The following L3MBTL4 variants were observed in gnomAD, a reference collection of about 807,000 sequenced individuals.
L3MBTL4 encodes L3MBTL histone methyl-lysine binding protein 4, also known as lethal(3)malignant brain tumor-like protein 4.
Under a neutral mutation model 84.5 loss-of-function variants are expected in L3MBTL4, and 70 were observed. The observed-to-expected ratio is 0.83, with a 90% CI of 0.68 to 1.01. The LOEUF is 1.01. Ranked by LOEUF, L3MBTL4 falls within the 50% of genes least tolerant of loss-of-function variation. The pLI, the probability that L3MBTL4 is intolerant of heterozygous loss-of-function variation, is 0.00. For synonymous variants in L3MBTL4, 274 were observed against 259.8 expected (o/e 1.05, Z -0.52); for missense variants, 715 against 754.8 (o/e 0.95, Z 0.62).
Position 6,244,580 on chromosome 18 carries a change from G to T in L3MBTL4, c.228C>A (p.Ser76=), listed in dbSNP as rs1463273680. The change falls in exon 6 of 19, where the codon TCC becomes TCA. Residue 76 remains serine, a synonymous_variant. Coordinates refer to ENST00000317931, the MANE Select transcript of L3MBTL4 (RefSeq NM_001330559.2). Reference sequence around the variant, plus strand: ...GAAAACCATTTTCATGCTCTGGAAAGGACTGATCCTACAAAATTTCACGAC... The same window carrying T: ...GAAAACCATTTTCATGCTCTGGAAATGACTGATCCTACAAAATTTCACGAC... ...APVELFSKDQ[S]FPEHENGFQI... 1 of 1,609,650 alleles carries T rather than the reference G, an allele frequency of 6.2e-7. No homozygotes were observed. Among genetic ancestry groups the T allele is most frequent in the Admixed American group, 1.7e-5 (1 of 59,946 alleles).
intron 16 of L3MBTL4, among the ~76,000 whole-genome samples, chr18:6,060,476 G>A (rs1383083432): frequency 6.6e-6 from 1 of 150,914 alleles, no homozygotes; most frequent in Non-Finnish European, 1.5e-5. Context: ...AGACAGTACA[G>A]AGATTTCCCA....
chr18:5,969,466 T>C lies in L3MBTL4; in HGVS notation c.1541A>G (p.Glu514Gly). 1 of 1,613,888 alleles carries C rather than the reference T, an allele frequency of 6.2e-7. No homozygotes were observed. The highest frequency in any genetic ancestry group is 8.5e-7 in the Non-Finnish European group (1 of 1,180,004). The change falls in exon 17 of 19, where the codon GAG becomes GGG. Residue 514 changes from glutamate (E) to glycine (G), a missense_variant. By Grantham distance (98) the Glu-to-Gly change is moderately conservative (BLOSUM62 -2). Coordinates refer to ENST00000317931, the MANE Select transcript of L3MBTL4 (RefSeq NM_001330559.2). Reference sequence around the variant, plus strand: ...GCCTGGAAGCAACTTGCAGTGTTGCTCCCTGCCGAGGGGAAGGTCCCGAAA... The same window carrying C: ...GCCTGGAAGCAACTTGCAGTGTTGCCCCCTGCCGAGGGGAAGGTCCCGAAA... Reference protein sequence around the residue: ...HPFRDLPLGREQHCKLLPGVA... With the variant: ...HPFRDLPLGRGQHCKLLPGVA...
rs1221140363 is a variant in L3MBTL4 at position 6,414,626 on chromosome 18, G to A, written c.-91+175C>T. 6.6e-6 allele frequency: 1 copy of A among 152,094 alleles called. No homozygotes were observed. Among genetic ancestry groups the A allele is most frequent in the Non-Finnish European group, 1.5e-5 (1 of 68,060 alleles). 9.4% of individuals were successfully genotyped at this position (152,094 alleles called of 1,614,324 possible). ...GGCGAAAGAGAAAGAGAAAGAGCCTGGGCCGGGACCGGGGCTATCCCCAAC... is the reference window on the plus strand; with the variant it reads ...GGCGAAAGAGAAAGAGAAAGAGCCTAGGCCGGGACCGGGGCTATCCCCAAC... On this transcript the variant is annotated intron_variant, in intron 1 of 18. Coordinates refer to ENST00000317931, the MANE Select transcript of L3MBTL4 (RefSeq NM_001330559.2). The surrounding 1 kb of genome is among the most constrained non-coding windows in gnomAD (Gnocchi z 5.4).
chr18:6,055,419 G>C (rs2056986745), intron 16 of L3MBTL4, among the ~76,000 whole-genome samples: 1 of 152,178 alleles, frequency 6.6e-6, no homozygotes, highest in Admixed American at 6.5e-5. Flanking sequence ...CAACCGTTAA[G>C]AGGAAGAACC....
At chr18:6,029,752 A>G in intron 16 of L3MBTL4, 1 of 985,212 alleles carries the variant, frequency 1.0e-6, no homozygotes, top group South Asian at 4.7e-5. Flanking sequence ...AAATTAACCA[A>G]CTGGAATGGA....
At position 6,371,618 on chromosome 18, in the gene L3MBTL4, G is replaced by A. The variant is rs546242740; in HGVS notation, c.-91+43183C>T. ...TCCAAAAAATGGCCTTACAATTCCC[G>A]CCCCAAATGTTACTGAATTGTTAAG... On this transcript the variant is annotated intron_variant, in intron 1 of 18. Coordinates refer to ENST00000317931, the MANE Select transcript of L3MBTL4 (RefSeq NM_001330559.2). 1.5e-4 allele frequency among the ~76,000 whole-genome samples: 23 copies of A among 152,122 alleles called. 1 individual carries two copies. In the South Asian group the frequency reaches 2.9e-3, roughly 19 times the overall value.
intron 12 of L3MBTL4, among the ~76,000 whole-genome samples, chr18:6,186,118 T>G (rs999526666): frequency 3.3e-5 from 5 of 151,986 alleles, no homozygotes; most frequent in African/African-American, 9.7e-5. Context: ...GCTCAAGCAA[T>G]TCTCCTGCCT....
At chr18:6,044,396 C>T (rs1261009585) in intron 16 of L3MBTL4, among the ~76,000 whole-genome samples, 2 of 152,112 alleles carry the variant, frequency 1.3e-5, no homozygotes, top group Non-Finnish European at 2.9e-5. Flanking sequence ...TGGGGAACTG[C>T]CCTATCTATC....
At chr18:6,259,472 T>C (rs1004244313) in intron 5 of L3MBTL4, 5 of 152,594 alleles carry the variant, frequency 3.3e-5, no homozygotes, top group Non-Finnish European at 7.3e-5. Flanking sequence ...TGATTAGTGA[T>C]GTTGAGCATT....
intron 12 of L3MBTL4, among the ~76,000 whole-genome samples, 186 bp downstream of exon 12, chr18:6,212,963 G>A (rs2046170966): frequency 6.6e-6 from 1 of 152,132 alleles, no homozygotes; most frequent in Non-Finnish European, 1.5e-5. Context: ...CTTTTTTAGG[G>A]ATCCTCTAGT....
At chr18:5,994,844 A>C (rs958740319) in intron 16 of L3MBTL4, among the ~76,000 whole-genome samples, 5 of 152,146 alleles carry the variant, frequency 3.3e-5, no homozygotes, top group African/African-American at 1.2e-4. Context: ...TGAAATTGTA[A>C]ATTTTCTCTT....
intron 16 of L3MBTL4, among the ~76,000 whole-genome samples, chr18:6,047,497 C>T (rs2145774016): frequency 6.6e-6 from 1 of 152,256 alleles, no homozygotes; most frequent in South Asian, 2.1e-4. Flanking sequence ...ACACAAAAAT[C>T]CTCAGCAAAA....
intron 1 of L3MBTL4, among the ~76,000 whole-genome samples, chr18:6,350,770 G>A (rs2053144869): frequency 6.6e-6 from 1 of 152,092 alleles, no homozygotes; most frequent in African/African-American, 2.4e-5. Context: ...AGAAATTAGT[G>A]CACCAATGTA....
chr18:6,259,185 A>G (rs1408197549), intron 5 of L3MBTL4: 3 of 152,226 alleles, frequency 2.0e-5, no homozygotes, highest in Non-Finnish European at 4.4e-5. Flanking sequence ...CCACAGAAGA[A>G]TAATTTGGGA....
At chr18:6,218,313 A>T (rs2046407956) in intron 10 of L3MBTL4, among the ~76,000 whole-genome samples, 1 of 152,168 alleles carries the variant, frequency 6.6e-6, no homozygotes, top group Admixed American at 6.5e-5. Flanking sequence ...ATACTTTTTA[A>T]AATCATCCAA....
At chr18:6,081,914 A>C (rs948647401) in intron 15 of L3MBTL4, among the ~76,000 whole-genome samples, 21 of 152,206 alleles carry the variant, frequency 1.4e-4, no homozygotes, top group African/African-American at 5.1e-4. Context: ...CAAGAAACCG[A>C]GAAAATTTCT....
intron 13 of L3MBTL4, among the ~76,000 whole-genome samples, chr18:6,168,905 GA>G (rs556631695): frequency 0.011 from 1,681 of 152,156 alleles, 47 homozygotes; most frequent in African/African-American, 0.038. Flanking sequence ...TACAGAATGG[GA>G]GAAAATTTTT....
At chr18:5,978,971 G>A (rs1021276423) in intron 16 of L3MBTL4, among the ~76,000 whole-genome samples, 1 of 152,296 alleles carries the variant, frequency 6.6e-6, no homozygotes, top group East Asian at 1.9e-4. Context: ...ACCTCTGGGA[G>A]GGCAGACACC....
At chr18:6,049,115 G>T (rs968942832) in intron 16 of L3MBTL4, among the ~76,000 whole-genome samples, 2 of 151,794 alleles carry the variant, frequency 1.3e-5, no homozygotes, top group Non-Finnish European at 2.9e-5. Flanking sequence ...GGAAGACCCC[G>T]TTCTCCAAAC....
Sources: gnomAD v4.1 joint callset for allele counts (sites outside exome capture counted in the v4.1 genomes callset) on GRCh38, gnomAD v4.1.1 for gene constraint, Gnocchi (gnomAD v3.1) non-coding constraint, MANE v1.5 for transcripts, NCBI Gene and HGNC (gene_info 2026-07-23, HGNC 2026-07-21) for gene names.